The following CDH13 variants were observed in gnomAD, a reference collection of about 807,000 sequenced individuals.
The protein encoded by CDH13 is cadherin 13, also known as cadherin-13.
In CDH13, 24 loss-of-function variants were observed where a neutral mutation model predicts 63.8. The observed-to-expected ratio is 0.38, with a 90% CI of 0.27 to 0.53. The LOEUF is 0.53. Ranked by LOEUF, CDH13 falls within the 20% of genes least tolerant of loss-of-function variation. The pLI is 0.85. For synonymous variants in CDH13, 503 were observed against 355.3 expected (o/e 1.42, Z -4.67); for missense variants, 1,049 against 903.1 (o/e 1.16, Z -2.07).
intron 4 of CDH13, among the ~76,000 whole-genome samples, chr16:83,179,202 G>A (rs2038247067): frequency 6.6e-6 from 1 of 152,112 alleles, no homozygotes; most frequent in Admixed American, 6.5e-5. Flanking sequence ...CCTTTGGGAT[G>A]TGTAGTCCCA....
intron 4 of CDH13, among the ~76,000 whole-genome samples, chr16:83,195,039 G>C (rs190908564): frequency 8.1e-4 from 124 of 152,238 alleles, no homozygotes; most frequent in African/African-American, 2.9e-3. Flanking sequence ...CTTTCTCTTT[G>C]TTTGAGTAAC....
At chr16:82,950,960 TCC>T (rs1905232569) in intron 2 of CDH13, among the ~76,000 whole-genome samples, 1 of 152,152 alleles carries the variant, frequency 6.6e-6, no homozygotes, top group Non-Finnish European at 1.5e-5. Context: ...TCTAGAACTC[TCC>T]AACTGCTATG....
intron 5 of CDH13, among the ~76,000 whole-genome samples, chr16:83,289,497 G>C (rs1347688705): frequency 6.6e-6 from 1 of 152,180 alleles, no homozygotes; most frequent in Non-Finnish European, 1.5e-5. Context: ...TGTGCAGCCT[G>C]CGTTGAGAAG....
intron 2 of CDH13, among the ~76,000 whole-genome samples, chr16:82,933,289 G>C (rs1161127104): frequency 2.0e-5 from 3 of 152,154 alleles, no homozygotes; most frequent in Admixed American, 6.5e-5. Flanking sequence ...ATGGCAGCAG[G>C]AGAGAGAAGT....
At chr16:82,844,580 GA>G in intron 1 of CDH13, 1 of 145,382 alleles carries the variant, frequency 6.9e-6, no homozygotes, top group Non-Finnish European at 1.5e-5. Context: ...CAGCCTGGGC[GA>G]CAGTGTGACA....
intron 11 of CDH13, among the ~76,000 whole-genome samples, chr16:83,751,823 C>T (rs1326136663): frequency 6.6e-6 from 1 of 152,218 alleles, no homozygotes; most frequent in Non-Finnish European, 1.5e-5. Context: ...ATGACTATTT[C>T]ATCAACGTAA....
chr16:83,314,247 CA>C (rs1325182008), intron 5 of CDH13, among the ~76,000 whole-genome samples: 14 of 152,036 alleles, frequency 9.2e-5, no homozygotes, highest in Non-Finnish European at 1.3e-4. Context: ...CTTTTTTAAC[CA>C]ACTATCTTTC....
intron 1 of CDH13, chr16:82,719,345 C>G (rs543097914): frequency 1.8e-5 from 8 of 455,618 alleles, no homozygotes; most frequent in African/African-American, 1.0e-4. Context: ...ACTTAAAAGT[C>G]TACATTTTCT....
intron 5 of CDH13, among the ~76,000 whole-genome samples, chr16:83,293,805 A>T (rs79264107): frequency 2.0e-5 from 3 of 152,204 alleles, no homozygotes; most frequent in Non-Finnish European, 4.4e-5. Flanking sequence ...TTTCTCAGCT[A>T]CAGTTTCTTC....
chr16:83,477,501 C>G (rs557036191), intron 6 of CDH13, among the ~76,000 whole-genome samples: 1 of 152,274 alleles, frequency 6.6e-6, no homozygotes, highest in East Asian at 1.9e-4. Flanking sequence ...TTCCTCACCT[C>G]AAACCTGTAT....
At chr16:83,489,957 A>G (rs2073972953) in intron 7 of CDH13, among the ~76,000 whole-genome samples, 1 of 152,060 alleles carries the variant, frequency 6.6e-6, no homozygotes, top group Admixed American at 6.6e-5. Context: ...AACAATGAAT[A>G]TAGTGATTCC....
intron 2 of CDH13, among the ~76,000 whole-genome samples, chr16:82,880,521 G>C (rs577936581): frequency 1.3e-5 from 2 of 152,252 alleles, no homozygotes; most frequent in South Asian, 4.1e-4. Context: ...ATGGAAAGTA[G>C]CAAATTGCTT....
chr16:83,608,447 G>C (rs1908551563), intron 8 of CDH13, among the ~76,000 whole-genome samples: 2 of 152,072 alleles, frequency 1.3e-5, no homozygotes, highest in Admixed American at 6.6e-5. Context: ...AGAATACATG[G>C]TGCCTCAAGT....
At chr16:82,926,588 A>T (rs1332779860) in intron 2 of CDH13, among the ~76,000 whole-genome samples, 1 of 152,208 alleles carries the variant, frequency 6.6e-6, no homozygotes, top group Non-Finnish European at 1.5e-5. Context: ...AGAAGTCTTC[A>T]CTAGATTCCT....
chr16:83,129,059 G>C (rs2035936097), intron 4 of CDH13, among the ~76,000 whole-genome samples: 1 of 152,036 alleles, frequency 6.6e-6, no homozygotes, highest in African/African-American at 2.4e-5. Context: ...CTATTTATCT[G>C]TCTTACTCTT....
intron 1 of CDH13, among the ~76,000 whole-genome samples, chr16:82,692,910 T>A (rs1190787382): frequency 6.6e-6 from 1 of 152,232 alleles, no homozygotes; most frequent in Non-Finnish European, 1.5e-5. Context: ...CTTGAGGAAC[T>A]GGCTTCTAGC....
chr16:83,261,705 C>CTTT (rs34277110), intron 5 of CDH13, among the ~76,000 whole-genome samples: 10,804 of 144,572 alleles, frequency 0.075, 539 homozygotes, highest in East Asian at 0.23. Flanking sequence ...TTATTTTCCT[C>CTTT]TTTTTTTTTT....
At chr16:82,970,766 C>T (rs903173616) in intron 2 of CDH13, among the ~76,000 whole-genome samples, 1 of 152,106 alleles carries the variant, frequency 6.6e-6, no homozygotes, top group African/African-American at 2.4e-5. Flanking sequence ...GCTGTATTTA[C>T]CAAAGTCCCC....
At chr16:83,701,870 C>T (rs917713803) in intron 10 of CDH13, among the ~76,000 whole-genome samples, 1 of 152,192 alleles carries the variant, frequency 6.6e-6, no homozygotes, top group Non-Finnish European at 1.5e-5. Context: ...CTAATGTCTG[C>T]GTATTTGCTG....
Sources: allele counts gnomAD v4.1 joint callset (sites outside exome capture counted in the v4.1 genomes callset), GRCh38; gene constraint gnomAD v4.1.1; transcripts MANE v1.5; gene names NCBI Gene and HGNC (gene_info 2026-07-23, HGNC 2026-07-21).